LRRTM4: variants seen among roughly 807,000 people sequenced by gnomAD.
LRRTM4 encodes leucine-rich repeat transmembrane neuronal protein 4.
LRRTM4 carries 25 observed loss-of-function variants against 47.6 expected under a neutral mutation model. The ratio of observed to expected loss-of-function variants is 0.53; its 90% confidence interval spans 0.38 to 0.73. The LOEUF is 0.73. LRRTM4 is among the 30% of genes least tolerant of loss of function. The probability of loss-of-function intolerance (pLI) is 0.00; values close to 1 mark genes in which losing one functional copy is unlikely to be tolerated. For missense variants in LRRTM4, 638 were observed against 713.4 expected (o/e 0.89, Z 1.20); for synonymous variants, 311 against 269.5 (o/e 1.15, Z -1.51).
At chr2:77,448,448 A>G (rs1197395081) in intron 3 of LRRTM4, among the ~76,000 whole-genome samples, 1 of 152,176 alleles carries the variant, frequency 6.6e-6, no homozygotes, top group Non-Finnish European at 1.5e-5. Flanking sequence ...TACAGTTTGC[A>G]GTTTTGTATC....
At position 77,243,965 on chromosome 2, in the gene LRRTM4, A is replaced by C. The variant is rs529378330; in HGVS notation, c.1551+274353T>G. 9.3e-4 allele frequency among the ~76,000 whole-genome samples: 115 copies of C among 123,372 alleles called. 1 individual carries two copies. Among genetic ancestry groups the C allele is most frequent in the Non-Finnish European group, 1.4e-3 (84 of 59,554 alleles). The allele number at this position is 123,372 out of a possible 152,430, so 80.9% of individuals were successfully genotyped here. On this transcript the variant is annotated intron_variant, in intron 3 of 3. Coordinates refer to ENST00000409884, the MANE Select transcript of LRRTM4 (RefSeq NM_001134745.3). ...TCCCCAGAGTGTGATATTCCCCTTC[A>C]TGTGTCCATGTGATCTCATTGTTCA...
chr2:76,943,658 T>C lies in LRRTM4; in HGVS notation c.1552-194742A>G, dbSNP rs569123790. 3.5e-3 allele frequency among the ~76,000 whole-genome samples: 540 copies of C among 152,274 alleles called. 2 individuals carry two copies. The highest frequency in any genetic ancestry group is 0.01 in the Middle Eastern group (3 of 294). On this transcript the variant is annotated intron_variant, in intron 3 of 3. Coordinates refer to ENST00000409884, the MANE Select transcript of LRRTM4 (RefSeq NM_001134745.3). ...TCAGACTCCTATATCCTATTGCCTT[T>C]TGAATGACATCAGTTATATACCCTG...
At chr2:77,377,108 A>G (rs907468782) in intron 3 of LRRTM4, among the ~76,000 whole-genome samples, 1 of 151,874 alleles carries the variant, frequency 6.6e-6, no homozygotes, top group Non-Finnish European at 1.5e-5. Flanking sequence ...AAGTCAATTT[A>G]CGTTGCTCCT....
At chr2:76,811,641 A>G (rs1670737906) in intron 3 of LRRTM4, among the ~76,000 whole-genome samples, 1 of 152,198 alleles carries the variant, frequency 6.6e-6, no homozygotes, top group African/African-American at 2.4e-5. Flanking sequence ...TGCAAGGGTT[A>G]GCATAAGAGA....
At chr2:77,225,875 A>T (rs901204551) in intron 3 of LRRTM4, among the ~76,000 whole-genome samples, 6 of 151,984 alleles carry the variant, frequency 3.9e-5, no homozygotes, top group Admixed American at 2.0e-4. Flanking sequence ...ACAATTATAT[A>T]TATTGTTATT....
intron 3 of LRRTM4, among the ~76,000 whole-genome samples, chr2:76,871,594 C>T (rs1252949663): frequency 1.3e-5 from 2 of 152,106 alleles, no homozygotes; most frequent in Non-Finnish European, 2.9e-5. Flanking sequence ...ATGATATCTT[C>T]CTTTTGGCAT....
chr2:76,780,713 C>T (rs1290725558), intron 3 of LRRTM4, among the ~76,000 whole-genome samples: 1 of 152,054 alleles, frequency 6.6e-6, no homozygotes, highest in East Asian at 1.9e-4. Context: ...AATGTCCTCC[C>T]GTAGCTCAGA....
intron 3 of LRRTM4, among the ~76,000 whole-genome samples, chr2:76,909,485 T>C (rs1011631157): frequency 1.1e-4 from 16 of 151,682 alleles, no homozygotes; most frequent in Non-Finnish European, 2.1e-4. Flanking sequence ...AAAGACAAAA[T>C]TGACAAATGG....
At chr2:77,343,539 C>T (rs1308152866) in intron 3 of LRRTM4, among the ~76,000 whole-genome samples, 2 of 151,592 alleles carry the variant, frequency 1.3e-5, no homozygotes, top group Admixed American at 6.6e-5. Flanking sequence ...GCTATTTGTA[C>T]TTGGGTAACC....
intron 3 of LRRTM4, among the ~76,000 whole-genome samples, chr2:77,305,452 T>A (rs983073195): frequency 6.6e-6 from 1 of 152,042 alleles, no homozygotes; most frequent in Non-Finnish European, 1.5e-5. Context: ...CAAAAACAAT[T>A]TTGTGATTAA....
chr2:77,157,782 A>T (rs1461448742), intron 3 of LRRTM4, among the ~76,000 whole-genome samples: 3 of 152,142 alleles, frequency 2.0e-5, no homozygotes, highest in Admixed American at 6.6e-5. Flanking sequence ...ATTGAACCTG[A>T]GTGTGATCAG....
chr2:76,853,857 A>G (rs998092855), intron 3 of LRRTM4, among the ~76,000 whole-genome samples: 1 of 152,192 alleles, frequency 6.6e-6, no homozygotes, highest in Non-Finnish European at 1.5e-5. Flanking sequence ...CTAATCTACT[A>G]TGTGTGATGT....
intron 3 of LRRTM4, among the ~76,000 whole-genome samples, chr2:76,855,046 C>G (rs1167477185): frequency 6.6e-6 from 1 of 151,950 alleles, no homozygotes; most frequent in East Asian, 1.9e-4. Flanking sequence ...TGACATTTGA[C>G]CAAAATTTTG....
intron 3 of LRRTM4, among the ~76,000 whole-genome samples, chr2:77,155,971 A>C (rs1362327397): frequency 6.6e-6 from 1 of 152,192 alleles, no homozygotes; most frequent in Non-Finnish European, 1.5e-5. Context: ...TTTTCAACAT[A>C]GGTATGTGCT....
At chr2:77,263,936 AC>A (rs1197918255) in intron 3 of LRRTM4, among the ~76,000 whole-genome samples, 5 of 152,076 alleles carry the variant, frequency 3.3e-5, no homozygotes, top group Admixed American at 6.6e-5. Flanking sequence ...TGGTGTCTAT[AC>A]AAAGGAAGAC....
chr2:77,434,245 GAA>G (rs34666020), intron 3 of LRRTM4, among the ~76,000 whole-genome samples: 1 of 144,424 alleles, frequency 6.9e-6, no homozygotes, highest in African/African-American at 2.6e-5. Flanking sequence ...CCCAGATTGG[GAA>G]AAAAAAAAAA....
chr2:76,897,748 G>A (rs1415699547), intron 3 of LRRTM4, among the ~76,000 whole-genome samples: 7 of 152,134 alleles, frequency 4.6e-5, no homozygotes, highest in African/African-American at 1.4e-4. Flanking sequence ...TTCAGTGACT[G>A]GAACTTGGAG....
intron 3 of LRRTM4, among the ~76,000 whole-genome samples, chr2:77,037,444 A>G (rs1258365347): frequency 6.6e-6 from 1 of 151,728 alleles, no homozygotes; most frequent in Non-Finnish European, 1.5e-5. Flanking sequence ...TGCCATGCAC[A>G]TAATTGCAAG....
chr2:76,920,986 T>G (rs1304433830), intron 3 of LRRTM4, among the ~76,000 whole-genome samples: 2 of 152,106 alleles, frequency 1.3e-5, no homozygotes, highest in Admixed American at 6.6e-5. Context: ...CTCCCATTTT[T>G]ATTATCTTTC....
Sources: gnomAD v4.1 joint callset for allele counts (sites outside exome capture counted in the v4.1 genomes callset) on GRCh38, gnomAD v4.1.1 for gene constraint, MANE v1.5 for transcripts, NCBI Gene and HGNC (gene_info 2026-07-23, HGNC 2026-07-21) for gene names.